KIF16B: variants seen among roughly 807,000 people sequenced by gnomAD.
KIF16B encodes kinesin-like protein KIF16B.
In KIF16B, 98 loss-of-function variants were observed where a neutral mutation model predicts 156.3. The observed-to-expected ratio is 0.63, with a 90% CI of 0.53 to 0.74. The LOEUF is 0.74. Ranked by LOEUF, KIF16B falls within the 30% of genes least tolerant of loss-of-function variation. The pLI, the probability that KIF16B is intolerant of heterozygous loss-of-function variation, is 0.00. For synonymous variants in KIF16B, 564 were observed against 583.7 expected (o/e 0.97, Z 0.49); for missense variants, 1,421 against 1,606.5 (o/e 0.88, Z 1.97).
At chr20:16,345,920 C>T (rs996918171) in intron 23 of KIF16B, among the ~76,000 whole-genome samples, 3 of 152,198 alleles carry the variant, frequency 2.0e-5, no homozygotes, top group Non-Finnish European at 2.9e-5. Context: ...CCTCTGGCTC[C>T]ATTAGGGACA....
chr20:16,564,578 G>A (rs1399775784), intron 1 of KIF16B, among the ~76,000 whole-genome samples: 1 of 151,634 alleles, frequency 6.6e-6, no homozygotes, highest in Admixed American at 6.6e-5. Context: ...CGAGTTAATG[G>A]GTGCAGCACA....
chr20:16,375,686 A>C (rs922676392), intron 19 of KIF16B, among the ~76,000 whole-genome samples: 13 of 95,150 alleles, frequency 1.4e-4, no homozygotes, highest in Non-Finnish European at 2.9e-4. Context: ...ATCAATGGCC[A>C]AAAAAAAAAA....
At chr20:16,438,993 G>A (rs1008376857) in intron 12 of KIF16B, among the ~76,000 whole-genome samples, 1 of 152,158 alleles carries the variant, frequency 6.6e-6, no homozygotes, top group Admixed American at 6.6e-5. Context: ...GTCTGTGAAC[G>A]TTAACAAATG....
At chr20:16,514,850 C>T (rs187006968) in intron 4 of KIF16B, among the ~76,000 whole-genome samples, 1 of 144,364 alleles carries the variant, frequency 6.9e-6, no homozygotes. Flanking sequence ...CGCACCACTG[C>T]CCTCTAGCCT....
rs370408165 is a variant in KIF16B at position 16,506,331 on chromosome 20, C to T, written c.700-141G>A. On this transcript the variant is annotated intron_variant, in intron 7 of 25. Transcript: ENST00000354981. Reference sequence around the variant, plus strand: ...TCAATTTTATTGTTTTACTGGCCTTCCTACTGATTACAGAAACTTCTCAAA... The same window carrying T: ...TCAATTTTATTGTTTTACTGGCCTTTCTACTGATTACAGAAACTTCTCAAA... 1,011 of 670,794 alleles carry T rather than the reference C, an allele frequency of 1.5e-3. 18 individuals carry two copies. The South Asian group carries it at 0.018, about 12-fold the overall frequency. 41.6% of individuals were successfully genotyped at this position (670,794 alleles called of 1,614,324 possible). A position where few individuals can be genotyped will look rare whatever the true frequency, so the allele number is the denominator to read the frequency against.
intron 25 of KIF16B, among the ~76,000 whole-genome samples, chr20:16,274,702 T>C (rs2063034905): frequency 6.6e-6 from 1 of 152,228 alleles, no homozygotes; most frequent in Non-Finnish European, 1.5e-5. Flanking sequence ...CCATAGAGTG[T>C]TCAGCAGTGT....
intron 18 of KIF16B, 96 bp from the exon 19 acceptor site, chr20:16,380,259 T>A: frequency 1.8e-6 from 2 of 1,088,530 alleles, no homozygotes; most frequent in Non-Finnish European, 2.5e-6. Flanking sequence ...TACAACCAGG[T>A]CAAAGCCTCC....
intron 1 of KIF16B, among the ~76,000 whole-genome samples, chr20:16,556,774 T>G (rs2070865298): frequency 6.6e-6 from 1 of 152,176 alleles, no homozygotes; most frequent in Admixed American, 6.5e-5. Context: ...TTCCCAGATA[T>G]TCCCACGGTT....
chr20:16,289,658 G>A (rs957952275), intron 25 of KIF16B, among the ~76,000 whole-genome samples: 2 of 152,102 alleles, frequency 1.3e-5, no homozygotes, highest in African/African-American at 4.8e-5. Context: ...TCAAGACCAC[G>A]GTGAAACCCC....
intron 1 of KIF16B, among the ~76,000 whole-genome samples, chr20:16,540,214 T>C (rs557159697): frequency 6.6e-6 from 1 of 152,138 alleles, no homozygotes; most frequent in South Asian, 2.1e-4. Flanking sequence ...CAAAATAATA[T>C]GCGCGTCTAT....
intron 22 of KIF16B, among the ~76,000 whole-genome samples, chr20:16,357,962 G>A (rs2064476921): frequency 6.6e-6 from 1 of 152,156 alleles, no homozygotes; most frequent in African/African-American, 2.4e-5. Flanking sequence ...GGCCAAGGCA[G>A]GTTGATCAAG....
chr20:16,475,516 A>G (rs1172124470), intron 12 of KIF16B, among the ~76,000 whole-genome samples: 2 of 152,212 alleles, frequency 1.3e-5, no homozygotes, highest in Non-Finnish European at 2.9e-5. Flanking sequence ...GCTGGGAGAA[A>G]TTCGATCTGA....
chr20:16,504,558 T>G lies in KIF16B; in HGVS notation c.1001-11A>C. 6.2e-7 allele frequency: 1 copy of G among 1,609,218 alleles called. No homozygotes were observed. The highest frequency in any genetic ancestry group is 8.5e-7 in the Non-Finnish European group (1 of 1,176,430). ...CAGCAGGTGAAATGGCTGTGAAGAA[T>G]GTATTCAAAAAATAATTTATCCAGC... On this transcript the variant is annotated splice_polypyrimidine_tract_variant and intron_variant, in intron 9 of 25. Coordinates refer to ENST00000354981, the MANE Select transcript of KIF16B (RefSeq NM_024704.5).
chr20:16,393,203 C>A (rs1021111344), intron 17 of KIF16B, among the ~76,000 whole-genome samples: 35 of 151,946 alleles, frequency 2.3e-4, no homozygotes, highest in Admixed American at 1.2e-3. Flanking sequence ...CAAATATAAA[C>A]CAATCATGTT....
chr20:16,565,725 T>C (rs1467809325), intron 1 of KIF16B, among the ~76,000 whole-genome samples: 1 of 152,228 alleles, frequency 6.6e-6, no homozygotes, highest in Non-Finnish European at 1.5e-5. Flanking sequence ...CCTGAGTTTC[T>C]ACTGCCCGGA....
chr20:16,520,344 G>T (rs764881743), intron 3 of KIF16B, among the ~76,000 whole-genome samples: 1 of 152,094 alleles, frequency 6.6e-6, no homozygotes, highest in African/African-American at 2.4e-5. Flanking sequence ...TTAGTGGGGG[G>T]AGGGGCATCC....
intron 24 of KIF16B, among the ~76,000 whole-genome samples, chr20:16,318,097 C>T (rs1218487803): frequency 6.6e-6 from 1 of 151,968 alleles, no homozygotes; most frequent in Non-Finnish European, 1.5e-5. Context: ...CCCTCCTCCT[C>T]CCCAGCTTCT....
chr20:16,479,136 C>T (rs1568583325), intron 12 of KIF16B, among the ~76,000 whole-genome samples: 1 of 152,074 alleles, frequency 6.6e-6, no homozygotes, highest in East Asian at 1.9e-4. Context: ...TAATATGGAA[C>T]AAATATGGTA....
At chr20:16,281,565 T>A (rs754046695) in intron 25 of KIF16B, among the ~76,000 whole-genome samples, 4 of 152,226 alleles carry the variant, frequency 2.6e-5, no homozygotes, top group African/African-American at 4.8e-5. Context: ...ATACCTCTTG[T>A]TGGCTTTTTA....
Sources: gnomAD v4.1 joint callset for allele counts (sites outside exome capture counted in the v4.1 genomes callset) on GRCh38, gnomAD v4.1.1 for gene constraint, MANE v1.5 for transcripts, NCBI Gene and HGNC (gene_info 2026-07-23, HGNC 2026-07-21) for gene names.